LATS2: variants seen among roughly 807,000 people sequenced by gnomAD.
The protein encoded by LATS2 is serine/threonine-protein kinase LATS2.
A neutral mutation model predicts 76.0 loss-of-function variants in LATS2; 24 were observed. The ratio of observed to expected loss-of-function variants is 0.32; its 90% CI spans 0.23 to 0.44. The LOEUF (loss-of-function observed/expected upper bound fraction) is 0.44. Ranked by LOEUF, LATS2 falls within the 20% of genes least tolerant of loss-of-function variation. The pLI, the probability that LATS2 is intolerant of heterozygous loss-of-function variation, is 1.00. For synonymous variants in LATS2, 692 were observed against 635.4 expected, an observed-to-expected ratio of 1.09 and a Z score of -1.34; for missense variants, 1,286 against 1,481.2, an observed-to-expected ratio of 0.87 and a Z score of 2.16.
At chr13:21,033,295 A>G (rs571668019) in intron 2 of LATS2, among the ~76,000 whole-genome samples, 10 of 152,172 alleles carry the variant, frequency 6.6e-5, no homozygotes, top group East Asian at 5.8e-4. Flanking sequence ...GGGCGAGAGA[A>G]CACACGCTCC....
At chr13:21,010,636 C>A (rs901026209) in intron 2 of LATS2, among the ~76,000 whole-genome samples, 1 of 152,220 alleles carries the variant, frequency 6.6e-6, no homozygotes, top group South Asian at 2.1e-4. Context: ...AAGAGCCAAT[C>A]CCTCAAGATG....
chr13:21,013,954 G>A (rs1208590265), intron 2 of LATS2, among the ~76,000 whole-genome samples: 2 of 151,500 alleles, frequency 1.3e-5, no homozygotes, highest in African/African-American at 4.9e-5. Context: ...CTGGGCAACA[G>A]AGCAAGACCC....
chr13:21,044,748 G>C (rs1466001038), intron 2 of LATS2, among the ~76,000 whole-genome samples: 1 of 149,608 alleles, frequency 6.7e-6, no homozygotes, highest in African/African-American at 2.5e-5. Context: ...GTTTTAAATA[G>C]AGATAGGGTC....
chr13:21,016,909 AT>A (rs1871822899), intron 2 of LATS2, among the ~76,000 whole-genome samples: 1 of 152,348 alleles, frequency 6.6e-6, no homozygotes, highest in Middle Eastern at 3.4e-3. Flanking sequence ...TTCCCCAAAG[AT>A]AAGTAAAACC....
intron 1 of LATS2, among the ~76,000 whole-genome samples, chr13:21,049,825 AAAG>A (rs1873199634): frequency 1.3e-5 from 2 of 152,216 alleles, no homozygotes; most frequent in East Asian, 3.9e-4. Flanking sequence ...AATCTGCTCT[AAAG>A]AAGGGAAGCT....
Position 21,045,879 on chromosome 13 carries a change from T to C in LATS2, c.148A>G (p.Lys50Glu), listed in dbSNP as rs765054900. The stretch of plus-strand genomic sequence containing the variant: ...GTGGCATCTTTGCTCCCCAGGACTT[T>C]GGCATCCAGGGAAGTGTCACTGTTT... The part of the protein sequence containing the change: ...GPNSDTSLDA[K>E]VLGSKDATRQ... Residue 50 changes from lysine (K) to glutamate (E), a missense_variant, in exon 2 of 8, where the codon AAA becomes GAA. By Grantham distance (56) the Lys-to-Glu change is moderately conservative. Transcript: ENST00000382592. 2 of 1,614,226 alleles carry C rather than the reference T, an allele frequency of 1.2e-6. No individual in the cohort carries two copies. The highest frequency in any genetic ancestry group is 1.6e-4 in the Middle Eastern group (1 of 6,062).
Position 21,046,232 on chromosome 13 carries a change from T to A in LATS2, c.-204-2A>T. The A allele has an allele frequency of 2.2e-6, 1 of 457,064 alleles. No homozygotes were observed. Among genetic ancestry groups the A allele is most frequent in the Non-Finnish European group, 3.9e-6 (1 of 258,738 alleles). 28.3% of individuals were successfully genotyped at this position (457,064 alleles called of 1,614,324 possible). ...CTTCATTTTGAAGATTATCACTCTCTGAAAAAGAAAATAAATGGGAGAGAA... is the reference window on the plus strand; with the variant it reads ...CTTCATTTTGAAGATTATCACTCTCAGAAAAAGAAAATAAATGGGAGAGAA... On this transcript the variant is annotated splice_acceptor_variant, in intron 1 of 7. Transcript: ENST00000382592. LOFTEE classifies it low-confidence loss of function (5UTR_SPLICE).
chr13:21,040,779 TGA>T (rs1872851660), intron 2 of LATS2, among the ~76,000 whole-genome samples: 1 of 151,518 alleles, frequency 6.6e-6, no homozygotes, highest in East Asian at 1.9e-4. Flanking sequence ...GCCCAGGGAA[TGA>T]GAGGAGGGGA....
chr13:20,988,400 G>GGGCCCCACAGCCGTCTGCGGC lies in LATS2; in HGVS notation c.1359_1379dup (p.Pro454_Pro460dup), dbSNP rs1194933563. On this transcript the variant is annotated inframe_insertion, in exon 4 of 8. Coordinates refer to ENST00000382592, the MANE Select transcript of LATS2 (RefSeq NM_014572.3). ...GCGCGGGCACCCAGGCGGGGTGCGAGGGCCCCACAGCCGTCTGCGGCTCCG... is the reference window on the plus strand; with the variant it reads ...GCGCGGGCACCCAGGCGGGGTGCGAGGGCCCCACAGCCGTCTGCGGCGGCCCCACAGCCGTCTGCGGCTCCG... The GGGCCCCACAGCCGTCTGCGGC allele has an allele frequency of 5.8e-6, 8 of 1,389,710 alleles. No individual in the cohort carries two copies. Among genetic ancestry groups the GGGCCCCACAGCCGTCTGCGGC allele is most frequent in the Non-Finnish European group, 7.4e-6 (8 of 1,082,580 alleles). 86.1% of individuals were successfully genotyped at this position (1,389,710 alleles called of 1,614,324 possible). A position where few individuals can be genotyped will look rare whatever the true frequency, so the allele number is the denominator to read the frequency against.
chr13:20,992,351 G>A (rs1020245886), intron 2 of LATS2, among the ~76,000 whole-genome samples: 11 of 152,184 alleles, frequency 7.2e-5, no homozygotes, highest in African/African-American at 1.7e-4. Flanking sequence ...TGGGACATAC[G>A]GCATCAGCAG....
intron 7 of LATS2, 94 bp downstream of exon 7, chr13:20,979,597 C>G: frequency 1.7e-6 from 1 of 574,346 alleles, no homozygotes; most frequent in Non-Finnish European, 3.2e-6. Context: ...CTACCCTACT[C>G]AGAATAAGAG....
Position 20,991,717 on chromosome 13 carries a change from A to G in LATS2, c.343-313T>C, listed in dbSNP as rs778552334. Reference sequence around the variant, plus strand: ...CTCCTCAGAAAACTTTTGTGGTTGGACTGGTGAGTTCAGGATGAACCTAAA... The same window carrying G: ...CTCCTCAGAAAACTTTTGTGGTTGGGCTGGTGAGTTCAGGATGAACCTAAA... On this transcript the variant is annotated intron_variant, in intron 2 of 7. Transcript: ENST00000382592. This position sits in a 1 kb window ranked among gnomAD's most constrained non-coding sequence, Gnocchi z 4.9. Among the ~76,000 whole-genome samples the G allele has an allele frequency of 3.9e-5, 6 of 152,214 alleles. No homozygotes were observed. The highest frequency in any genetic ancestry group is 4.8e-5 in the African/African-American group (2 of 41,458).
chr13:21,023,863 T>C (rs960396523), intron 2 of LATS2, among the ~76,000 whole-genome samples: 2 of 151,010 alleles, frequency 1.3e-5, no homozygotes, highest in African/African-American at 2.4e-5. Context: ...ATTTCAGCTA[T>C]TCAGGAGGCT....
intron 1 of LATS2, among the ~76,000 whole-genome samples, chr13:21,054,089 TG>T (rs1247849950): frequency 6.6e-6 from 1 of 152,186 alleles, no homozygotes; most frequent in Non-Finnish European, 1.5e-5. Flanking sequence ...TTTTTAAAAA[TG>T]GGGAAAAAAG....
rs1400041486 is a variant in LATS2, at chr13:20,981,497, G to A, written c.2634C>T (p.Asn878=). The A allele has an allele frequency of 6.2e-7, 1 of 1,614,130 alleles. No individual in the cohort carries two copies. The highest frequency in any genetic ancestry group is 8.5e-7 in the Non-Finnish European group (1 of 1,180,020). ...GGAGGAGCACCTCGGGTGCGATGTA[G>A]TTTGGAGTCCCCACCAGTGAATGTG... The part of the protein sequence containing the change: ...CLAHSLVGTP[N]YIAPEVLLRK... The change falls in exon 6 of 8, where the codon AAC becomes AAT. Residue 878 remains asparagine, a synonymous_variant. Coordinates refer to ENST00000382592, the MANE Select transcript of LATS2 (RefSeq NM_014572.3).
At chr13:21,059,065 T>C (rs753453827) in intron 1 of LATS2, among the ~76,000 whole-genome samples, 19 of 152,216 alleles carry the variant, frequency 1.2e-4, no homozygotes, top group Non-Finnish European at 2.5e-4. Context: ...TCTTCTAAGT[T>C]AAAATTTTAA....
chr13:21,031,622 A>AG (rs2138380274), intron 2 of LATS2, among the ~76,000 whole-genome samples: 1 of 151,808 alleles, frequency 6.6e-6, no homozygotes, highest in Non-Finnish European at 1.5e-5. Flanking sequence ...GAAGTTGGGG[A>AG]GGGGGAGCAT....
rs978437974 is a variant in LATS2, at chr13:20,974,293, T to C, written c.*577A>G. The C allele has an allele frequency of 1.2e-4, 26 of 223,532 alleles. No homozygotes were observed. Among genetic ancestry groups the C allele is most frequent in the Non-Finnish European group, 8.9e-5 (10 of 112,374 alleles). 13.8% of individuals were successfully genotyped at this position (223,532 alleles called of 1,614,324 possible). A position where few individuals can be genotyped will look rare whatever the true frequency, so the allele number is the denominator to read the frequency against. ...CTCACACTTCCTATTATACTAGATA[T>C]GCAAAAAGCCAAAAAAAGCAGCTTT... On this transcript the variant is annotated 3_prime_UTR_variant, in exon 8 of 8. Transcript: ENST00000382592.
intron 2 of LATS2, among the ~76,000 whole-genome samples, chr13:21,027,343 A>G (rs1001631466): frequency 1.3e-5 from 2 of 152,158 alleles, no homozygotes; most frequent in Admixed American, 6.5e-5. Context: ...TAGCTGTTTT[A>G]TATTTAGTTC....
Sources: gnomAD v4.1 joint callset for allele counts (sites outside exome capture counted in the v4.1 genomes callset) on GRCh38, gnomAD v4.1.1 for gene constraint, Gnocchi (gnomAD v3.1) non-coding constraint, MANE v1.5 for transcripts, NCBI Gene and HGNC (gene_info 2026-07-23, HGNC 2026-07-21) for gene names.